EYA1: variants seen among roughly 807,000 people sequenced by gnomAD.
The protein encoded by EYA1 is EYA transcriptional coactivator and phosphatase 1.
Under a neutral mutation model 82.0 loss-of-function variants are expected in EYA1, and 16 were observed. The observed-to-expected ratio is 0.20, with a 90% CI of 0.13 to 0.30. The LOEUF is 0.30. Among genes scored for constraint, EYA1 ranks in the 10% least tolerant of loss-of-function variants. The probability of loss-of-function intolerance (pLI) is 1.00; values close to 1 mark genes in which losing one functional copy is unlikely to be tolerated. For synonymous variants in EYA1, 261 were observed against 264.4 expected, an observed-to-expected ratio of 0.99 and a Z score of 0.12; for missense variants, 633 against 730.7, an observed-to-expected ratio of 0.87 and a Z score of 1.54.
At chr8:71,375,598 T>C (rs1471339494) in intron 2 of EYA1, among the ~76,000 whole-genome samples, 2 of 152,160 alleles carry the variant, frequency 1.3e-5, no homozygotes, top group South Asian at 2.1e-4. Context: ...GAAAGCAAGA[T>C]GAGAGGAAGA....
intron 2 of EYA1, among the ~76,000 whole-genome samples, chr8:71,481,786 G>T (rs1198895334): frequency 1.3e-5 from 2 of 152,110 alleles, no homozygotes; most frequent in Non-Finnish European, 2.9e-5. Context: ...TTGAAGCCAG[G>T]GCAATCACAG....
chr8:71,408,107 A>C (rs1447153016), intron 2 of EYA1, among the ~76,000 whole-genome samples: 1 of 152,130 alleles, frequency 6.6e-6, no homozygotes, highest in African/African-American at 2.4e-5. Flanking sequence ...ACAGAATTTC[A>C]TATCCAGCCA....
At chr8:71,269,194 A>G (rs76505050) in intron 11 of EYA1, among the ~76,000 whole-genome samples, 6 of 152,310 alleles carry the variant, frequency 3.9e-5, no homozygotes, top group Admixed American at 2.6e-4. Context: ...TATAATACCA[A>G]TATAAGTACT....
At chr8:71,520,215 C>G (rs367854664) in intron 2 of EYA1, among the ~76,000 whole-genome samples, 39 of 150,490 alleles carry the variant, frequency 2.6e-4, no homozygotes, top group Admixed American at 2.0e-3. Flanking sequence ...CCTCATTGGC[C>G]CCCCCCTCCA....
chr8:71,426,575 C>T (rs750498375), intron 2 of EYA1, among the ~76,000 whole-genome samples: 3 of 152,216 alleles, frequency 2.0e-5, no homozygotes, highest in African/African-American at 7.2e-5. Context: ...TCGTGGTTTG[C>T]CTTGCCCTTG....
chr8:71,425,019 G>T (rs1419533488), intron 2 of EYA1, among the ~76,000 whole-genome samples: 1 of 151,140 alleles, frequency 6.6e-6, no homozygotes, highest in Admixed American at 6.6e-5. Context: ...CCAGCACTTT[G>T]GGAGGCCGAG....
At chr8:71,443,075 G>A (rs969229409) in intron 2 of EYA1, among the ~76,000 whole-genome samples, 1 of 152,044 alleles carries the variant, frequency 6.6e-6, no homozygotes, top group African/African-American at 2.4e-5. Context: ...GCAACACACA[G>A]AGAAAAAACA....
intron 16 of EYA1, 115 bp downstream of exon 16, chr8:71,215,272 A>T: frequency 1.2e-6 from 1 of 866,768 alleles, no homozygotes; most frequent in Non-Finnish European, 1.8e-6. Flanking sequence ...TTATTCTTGT[A>T]TTTTTTTTTT....
intron 9 of EYA1, among the ~76,000 whole-genome samples, chr8:71,277,718 G>T (rs1225864607): frequency 1.3e-5 from 2 of 152,228 alleles, no homozygotes; most frequent in East Asian, 3.9e-4. Flanking sequence ...ATTCATGTTT[G>T]CACACTGAGA....
chr8:71,215,111 A>G (rs1213422268), intron 16 of EYA1, among the ~76,000 whole-genome samples: 2 of 152,246 alleles, frequency 1.3e-5, no homozygotes, highest in African/African-American at 2.4e-5. Flanking sequence ...AAGGATAAAA[A>G]TATGATAATA....
upstream of EYA1, among the ~76,000 whole-genome samples, chr8:71,366,024 A>C (rs573426250): frequency 1.2e-4 from 19 of 152,186 alleles, no homozygotes; most frequent in Non-Finnish European, 2.6e-4. Flanking sequence ...TATCAACACA[A>C]TATGAAAATA....
At chr8:71,394,206 G>A (rs373847344) in intron 2 of EYA1, among the ~76,000 whole-genome samples, 39,344 of 151,682 alleles carry the variant, frequency 0.26, 5,319 homozygotes, top group Non-Finnish European at 0.29. Context: ...TTGTCAGATG[G>A]GTAGATTGTA....
chr8:71,420,471 T>C (rs1446512242), intron 2 of EYA1, among the ~76,000 whole-genome samples: 1 of 152,218 alleles, frequency 6.6e-6, no homozygotes, highest in Non-Finnish European at 1.5e-5. Context: ...AGGAAGCTTT[T>C]TTTAAAAAAA....
chr8:71,395,720 G>A lies in EYA1; in HGVS notation c.34-39209C>T, dbSNP rs187919174. On this transcript the variant is annotated intron_variant, in intron 2 of 18. Transcript: ENST00000643681. ...AGTATTTTATTGAGGATTTTGCATCGATGTTCATCAGGGATATTGGTGTAA... is the reference window on the plus strand; with the variant it reads ...AGTATTTTATTGAGGATTTTGCATCAATGTTCATCAGGGATATTGGTGTAA... 3.7e-4 allele frequency among the ~76,000 whole-genome samples: 56 copies of A among 152,064 alleles called. 1 individual carries two copies. Among genetic ancestry groups the A allele is most frequent in the African/African-American group, 1.2e-3 (51 of 41,456 alleles).
chr8:71,508,946 G>C (rs908366144), intron 2 of EYA1, among the ~76,000 whole-genome samples: 1 of 152,072 alleles, frequency 6.6e-6, no homozygotes, highest in African/African-American at 2.4e-5. Context: ...TTTGTGCCAG[G>C]TGTGGTGGCT....
chr8:71,468,679 C>T (rs1311877514), intron 2 of EYA1, among the ~76,000 whole-genome samples: 1 of 152,004 alleles, frequency 6.6e-6, no homozygotes, highest in Non-Finnish European at 1.5e-5. Flanking sequence ...GCTGTTTTCC[C>T]TGCCTATTCT....
intron 2 of EYA1, among the ~76,000 whole-genome samples, chr8:71,392,211 G>A (rs554476473): frequency 6.6e-5 from 10 of 152,240 alleles, no homozygotes; most frequent in African/African-American, 2.4e-4. Context: ...CTGTCCTCAG[G>A]GGAGGAAGGG....
chr8:71,264,208 C>T (rs1815494073), intron 11 of EYA1, among the ~76,000 whole-genome samples: 1 of 152,186 alleles, frequency 6.6e-6, no homozygotes, highest in Non-Finnish European at 1.5e-5. Context: ...AGTTTAGCTT[C>T]TTCATCAACC....
At chr8:71,532,018 C>G (rs1285258479) in intron 2 of EYA1, among the ~76,000 whole-genome samples, 1 of 152,172 alleles carries the variant, frequency 6.6e-6, no homozygotes, top group African/African-American at 2.4e-5. Context: ...TCACCTCTGC[C>G]CATGGTCTTT....
Sources: gnomAD v4.1 joint callset for allele counts (sites outside exome capture counted in the v4.1 genomes callset) on GRCh38, gnomAD v4.1.1 for gene constraint, MANE v1.5 for transcripts, NCBI Gene and HGNC (gene_info 2026-07-23, HGNC 2026-07-21) for gene names.